Variants in GEMIN4 observed in about 807,000 individuals in gnomAD.
The protein encoded by GEMIN4 is gem-associated protein 4.
GEMIN4 carries 59 observed loss-of-function variants against 76.8 expected under a neutral mutation model. The observed-to-expected ratio is 0.77, with a 90% CI of 0.62 to 0.95. The LOEUF (loss-of-function observed/expected upper bound fraction) is 0.95. Ranked by LOEUF, GEMIN4 falls within the 40% of genes least tolerant of loss-of-function variation. The probability of loss-of-function intolerance (pLI) is 0.00; values close to 1 mark genes in which losing one functional copy is unlikely to be tolerated. For synonymous variants in GEMIN4, 562 were observed against 559.7 expected, an observed-to-expected ratio of 1.00 and a Z score of -0.06; for missense variants, 1,311 against 1,318.9, an observed-to-expected ratio of 0.99 and a Z score of 0.09.
chr17:752,505 G>A, upstream of GEMIN4: 1 of 438,770 alleles, frequency 2.3e-6, no homozygotes, highest in Non-Finnish European at 3.4e-6. Context: ...AACCCCGGGC[G>A]TGCCCCGCAC....
At position 747,141 on chromosome 17, in the gene GEMIN4, C is replaced by A; in HGVS notation, c.902G>T (p.Ser301Ile). 3.1e-6 allele frequency: 5 copies of A among 1,613,832 alleles called. No individual in the cohort carries two copies. The highest frequency in any genetic ancestry group is 4.2e-6 in the Non-Finnish European group (5 of 1,179,888). Residue 301 changes from serine to isoleucine, a missense_variant, in exon 2 of 2, where the codon AGC becomes ATC. Ser to Ile is a moderately radical substitution (Grantham distance 142, BLOSUM62 -2). Around this residue, in one of 2 missense-constraint regions of GEMIN4, gnomAD observed 1,208 missense variants for 1,166.9 expected, o/e 1.04. Coordinates refer to ENST00000319004, the MANE Select transcript of GEMIN4 (RefSeq NM_015721.3). ...GGGGAGTTTGGCCAGCGAGGTCAGG[C>A]TGACATCCCGTTCTGCCTCCTTCAC... is the stretch of plus-strand genomic sequence containing the variant. ...EKVKEAERDV[S>I]LTSLAKLPSE... is the part of the protein sequence containing the mutation.
chr17:746,444 G>A lies in GEMIN4; in HGVS notation c.1599C>T (p.Leu533=), dbSNP rs369511600. Residue 533 remains leucine, a synonymous_variant, in exon 2 of 2, where the codon CTC becomes CTT. Transcript: ENST00000319004. This position sits in a 1 kb window ranked among gnomAD's most constrained non-coding sequence, Gnocchi z 4.3. ...QEDLNTTFNQ[L]TQSASEQGLA... is the part of the protein sequence containing the mutation. ...AGCCCTGTTCGGAGGCACTCTGAGTGAGCTGGTTAAAAGTTGTATTGAGGT... is the reference window on the plus strand; with the variant it reads ...AGCCCTGTTCGGAGGCACTCTGAGTAAGCTGGTTAAAAGTTGTATTGAGGT... 1 of 1,614,014 alleles carries A rather than the reference G, an allele frequency of 6.2e-7. No individual in the cohort carries two copies. The highest frequency in any genetic ancestry group is 2.2e-5 in the East Asian group (1 of 44,878).
In GEMIN4 at chr17:745,879, A is replaced by G. The variant is rs754909003; in HGVS notation, c.2164T>C (p.Ser722Pro). ...ATCGCTAGATCCTTCCTATCCAAAG[A>G]GAGGCACCGCTTCTCCTTGGGAAGC... ...WQLPKEKRCL[S>P]LDRKDLAIHI... is the part of the protein sequence containing the mutation. Residue 722 changes from serine to proline, a missense_variant, in exon 2 of 2, where the codon TCT becomes CCT. By Grantham distance (74) the Ser-to-Pro change is moderately conservative. This residue lies in a region of GEMIN4 where 1,208 missense variants were observed against 1,166.9 expected (regional missense o/e 1.04). Transcript: ENST00000319004. This position sits in a 1 kb window ranked among gnomAD's most constrained non-coding sequence, Gnocchi z 4.6. 1.9e-6 allele frequency: 3 copies of G among 1,612,786 alleles called. No homozygotes were observed. In the African/African-American group the frequency reaches 4.0e-5, roughly 22 times the overall value.
rs1338239661 is a variant in GEMIN4, at chr17:746,084, C to T, written c.1959G>A (p.Lys653=). 6.2e-7 allele frequency: 1 copy of T among 1,613,980 alleles called. No individual in the cohort carries two copies. The highest frequency in any genetic ancestry group is 2.2e-5 in the East Asian group (1 of 44,892). ...ACCTCAAGAAAGGCAGGACAAATTC[C>T]TTCAGCACCTCGTCTGGCTCAAGAA... ...AALLEPDEVL[K]EFVLPFLRLD... is the part of the protein sequence containing the mutation. The change falls in exon 2 of 2, where the codon AAG becomes AAA. Residue 653 remains lysine, a synonymous_variant. Coordinates refer to ENST00000319004, the MANE Select transcript of GEMIN4 (RefSeq NM_015721.3). This position sits in a 1 kb window ranked among gnomAD's most constrained non-coding sequence, Gnocchi z 4.3.
intron 1 of GEMIN4, chr17:751,922 C>T (rs1202858364): frequency 1.3e-5 from 5 of 384,886 alleles, no homozygotes; most frequent in Non-Finnish European, 2.3e-5. Context: ...CGCAGGGGGC[C>T]GGAGGCGGCA....
chr17:751,098 T>G (rs1016873163), intron 1 of GEMIN4, among the ~76,000 whole-genome samples: 13 of 152,222 alleles, frequency 8.5e-5, no homozygotes, highest in Non-Finnish European at 1.6e-4. Context: ...ACTCCGGTAC[T>G]CTATCATGGA....
At chr17:753,047 G>A (rs1234026405), upstream of GEMIN4, 1 of 165,356 alleles carries the variant, frequency 6.0e-6, no homozygotes, top group East Asian at 1.9e-4. Flanking sequence ...GGCCAAGTGG[G>A]AGGCTTGGAG....
chr17:751,206 C>G (rs538883166), intron 1 of GEMIN4, among the ~76,000 whole-genome samples: 2 of 152,326 alleles, frequency 1.3e-5, no homozygotes, highest in African/African-American at 2.4e-5. Context: ...AAGATCTCTT[C>G]TATTCACAAT....
rs1411095076 is a variant in GEMIN4 at position 744,980 on chromosome 17, A to G, written c.3063T>C (p.Ser1021=). Reference sequence around the variant, plus strand: ...GTGCCCTCTGGAGCAAGGAGCTGACAGAAGGGTTGGTCTTGCTCAAAGTCT... The same window carrying G: ...GTGCCCTCTGGAGCAAGGAGCTGACGGAAGGGTTGGTCTTGCTCAAAGTCT... ...CYETLSKTNP[S]VSSLLQRAHE... Residue 1021 remains serine (S), a synonymous_variant, in exon 2 of 2, where the codon TCT becomes TCC. Coordinates refer to ENST00000319004, the MANE Select transcript of GEMIN4 (RefSeq NM_015721.3). The G allele has an allele frequency of 6.2e-6, 10 of 1,613,824 alleles. No homozygotes were observed. The highest frequency in any genetic ancestry group is 6.8e-6 in the Non-Finnish European group (8 of 1,179,886).
Position 747,546 on chromosome 17 carries a change from T to C in GEMIN4, c.497A>G (p.Glu166Gly). 6.2e-7 allele frequency: 1 copy of C among 1,613,778 alleles called. No homozygotes were observed. Among genetic ancestry groups the C allele is most frequent in the Non-Finnish European group, 8.5e-7 (1 of 1,179,870 alleles). The change falls in exon 2 of 2, where the codon GAG becomes GGG. Residue 166 changes from glutamate (E) to glycine (G), a missense_variant. By Grantham distance (98) the Glu-to-Gly change is moderately conservative. This residue lies in a region of GEMIN4 where 1,208 missense variants were observed against 1,166.9 expected (regional missense o/e 1.04). Transcript: ENST00000319004. ...CGGGTGACCCTTGTGCTTCATCACC[T>C]CCCACCAGACGTCCAGGAAGAAGGC... is the stretch of plus-strand genomic sequence containing the variant. ...DVAFFLDVWW[E>G]VMKHKGHPQD...
chr17:746,969 G>C lies in GEMIN4; in HGVS notation c.1074C>G (p.Asn358Lys). The change falls in exon 2 of 2, where the codon AAC becomes AAG. Residue 358 changes from asparagine to lysine, a missense_variant. Physicochemically the swap from Asn to Lys is moderately conservative, Grantham distance 94 (BLOSUM62 0). Around this residue, in one of 2 missense-constraint regions of GEMIN4, gnomAD observed 1,208 missense variants for 1,166.9 expected, o/e 1.04. Coordinates refer to ENST00000319004, the MANE Select transcript of GEMIN4 (RefSeq NM_015721.3). This position sits in a 1 kb window ranked among gnomAD's most constrained non-coding sequence, Gnocchi z 4.3. ...TGGTGCGGTTCAGGTAGAGCGTCGC[G>C]TTCTGGCTGAAGGAAGTCAGACTGT... ...LCDSLTSFSQ[N>K]ATLYLNRTSL... is the part of the protein sequence containing the mutation. The C allele has an allele frequency of 6.2e-7, 1 of 1,613,250 alleles. No individual in the cohort carries two copies. The highest frequency in any genetic ancestry group is 8.5e-7 in the Non-Finnish European group (1 of 1,179,750).
rs370069577 is a variant in GEMIN4 at position 747,036 on chromosome 17, C to T, written c.1007G>A (p.Arg336His). ...GTCGTAACTTGTCCCCTGGCTGCTG[C>T]GGAGCACGGCCTGCAACTCCTCCCC... Reference protein sequence around the residue: ...EWGEELQAVLRSSQGTSYDSY... With the variant: ...EWGEELQAVLHSSQGTSYDSY... Residue 336 changes from arginine (R) to histidine (H), a missense_variant, in exon 2 of 2, where the codon CGC becomes CAC. Arg to His is a conservative substitution (Grantham distance 29). This residue lies in a region of GEMIN4 where 1,208 missense variants were observed against 1,166.9 expected (regional missense o/e 1.04). Transcript: ENST00000319004. The T allele has an allele frequency of 3.7e-5, 59 of 1,613,344 alleles. No individual in the cohort carries two copies. The highest frequency in any genetic ancestry group is 8.9e-5 in the East Asian group (4 of 44,862).
Position 752,256 on chromosome 17 carries a change from AG to A in GEMIN4, c.-115del, listed in dbSNP as rs1302687930. The A allele has an allele frequency of 1.4e-5, 17 of 1,227,118 alleles. No homozygotes were observed. In the East Asian group the frequency reaches 3.5e-4, roughly 25 times the overall value. 76.0% of individuals were successfully genotyped at this position (1,227,118 alleles called of 1,614,324 possible). ...CGCAGGAGCCACGGCGGCCGCGCTTAGGCCTGCTCACAACCTCCGCCCGGCC... is the reference window on the plus strand; with the variant it reads ...CGCAGGAGCCACGGCGGCCGCGCTTAGCCTGCTCACAACCTCCGCCCGGCC... On this transcript the variant is annotated 5_prime_UTR_variant, in exon 1 of 2. Transcript: ENST00000319004.
upstream of GEMIN4, chr17:754,109 AT>A (rs1405633203): frequency 4.6e-5 from 7 of 152,218 alleles, no homozygotes; most frequent in Admixed American, 4.6e-4. Context: ...GGCAACCAAA[AT>A]GTTCCCGGGA....
intron 1 of GEMIN4, chr17:748,504 G>C: frequency 5.7e-6 from 1 of 175,596 alleles, no homozygotes; most frequent in South Asian, 1.2e-4. Flanking sequence ...CTGCTGAGGC[G>C]AGACCCTCCA....
rs1430226794 is a variant in GEMIN4 at position 747,297 on chromosome 17, ACAGT to A, written c.742_745del (p.Thr248CysfsTer4). ...GGGGTCGTCCTCTGTCAGCGCAAAC[ACAGT>A]CAGCATGTCAGCCAGGTTGGCCAGC... On this transcript the variant is annotated frameshift_variant, in exon 2 of 2. Coordinates refer to ENST00000319004, the MANE Select transcript of GEMIN4 (RefSeq NM_015721.3). LOFTEE classifies it high-confidence loss of function. The A allele has an allele frequency of 6.2e-7, 1 of 1,613,808 alleles. No individual in the cohort carries two copies. The highest frequency in any genetic ancestry group is 8.5e-7 in the Non-Finnish European group (1 of 1,179,860).
chr17:752,039 G>T, intron 1 of GEMIN4, 94 bp downstream of exon 1: 1 of 886,110 alleles, frequency 1.1e-6, no homozygotes, highest in Non-Finnish European at 1.5e-6. Flanking sequence ...GGGCCCGCGC[G>T]AGCGTGCGCG....
At position 746,796 on chromosome 17, in the gene GEMIN4, T is replaced by A. The variant is rs1212943994; in HGVS notation, c.1247A>T (p.Asp416Val). The A allele has an allele frequency of 6.2e-7, 1 of 1,613,728 alleles. No individual in the cohort carries two copies. The highest frequency in any genetic ancestry group is 8.5e-7 in the Non-Finnish European group (1 of 1,179,838). The part of the protein sequence containing the change: ...IAMAVIQQKM[D>V]RHMEVCYIFA... The stretch of plus-strand genomic sequence containing the variant: ...AATGTAGCACACTTCCATATGGCGG[T>A]CCATCTTCTGCTGGATGACGGCCAT... The change falls in exon 2 of 2, where the codon GAC becomes GTC. Residue 416 changes from aspartate (D) to valine (V), a missense_variant. By Grantham distance (152) the Asp-to-Val change is radical. This residue lies in a region of GEMIN4 where 1,208 missense variants were observed against 1,166.9 expected (regional missense o/e 1.04). Transcript: ENST00000319004. The surrounding 1 kb of genome is among the most constrained non-coding windows in gnomAD (Gnocchi z 4.3).
At position 744,725 on chromosome 17, in the gene GEMIN4, A is replaced by G. The variant is rs542306091; in HGVS notation, c.*141T>C. ...CATGACTTTTTGTGGACAGTTTCACATAACTGTAAAGTCCAGGCTGCTCGG... is the reference window on the plus strand; with the variant it reads ...CATGACTTTTTGTGGACAGTTTCACGTAACTGTAAAGTCCAGGCTGCTCGG... On this transcript the variant is annotated 3_prime_UTR_variant, in exon 2 of 2. Transcript: ENST00000319004. The G allele has an allele frequency of 4.9e-5, 39 of 798,366 alleles. 1 individual carries two copies. In the South Asian group the frequency reaches 7.0e-4, roughly 14 times the overall value. 49.5% of individuals were successfully genotyped at this position (798,366 alleles called of 1,614,324 possible).
Sources: gnomAD v4.1 joint callset for allele counts (sites outside exome capture counted in the v4.1 genomes callset) on GRCh38, gnomAD v4.1.1 for gene constraint, gnomAD v4.1.1 regional missense constraint, Gnocchi (gnomAD v3.1) non-coding constraint, MANE v1.5 for transcripts, NCBI Gene and HGNC (gene_info 2026-07-23, HGNC 2026-07-21) for gene names.